The following AUH variants were observed in gnomAD, a reference collection of about 807,000 sequenced individuals.
AUH encodes the protein AU RNA binding methylglutaconyl-CoA hydratase, also known as methylglutaconyl-CoA hydratase, mitochondrial.
AUH carries 29 observed loss-of-function variants against 42.3 expected under a neutral mutation model. The observed-to-expected ratio is 0.69, with a 90% CI of 0.51 to 0.93. AUH has a LOEUF of 0.93. AUH is among the 40% of genes least tolerant of loss of function. The pLI is 0.00. For synonymous variants in AUH, 174 were observed against 166.4 expected, an observed-to-expected ratio of 1.05 and a Z score of -0.35; for missense variants, 452 against 438.1, an observed-to-expected ratio of 1.03 and a Z score of -0.28.
chr9:91,322,521 A>T (rs1829661574), intron 4 of AUH, among the ~76,000 whole-genome samples: 1 of 152,242 alleles, frequency 6.6e-6, no homozygotes, highest in Admixed American at 6.5e-5. Context: ...ATAGAAATCA[A>T]AACACGTATT....
chr9:91,273,782 A>C (rs1825342541), intron 6 of AUH, among the ~76,000 whole-genome samples: 1 of 152,198 alleles, frequency 6.6e-6, no homozygotes, highest in African/African-American at 2.4e-5. Flanking sequence ...GTTCCAGAGC[A>C]ATCACTGACA....
intron 6 of AUH, among the ~76,000 whole-genome samples, chr9:91,283,314 AAAT>A (rs1378256882): frequency 3.4e-5 from 5 of 148,050 alleles, no homozygotes; most frequent in Admixed American, 3.3e-4. Flanking sequence ...ACGTATCTCA[AAAT>A]AATAAGAGCT....
At chr9:91,253,635 C>T (rs1259853043) in intron 6 of AUH, among the ~76,000 whole-genome samples, 5 of 152,178 alleles carry the variant, frequency 3.3e-5, no homozygotes, top group Non-Finnish European at 7.3e-5. Flanking sequence ...GTTTGTGGCT[C>T]TTCTCTGATC....
intron 4 of AUH, 84 bp from the exon 5 acceptor site, chr9:91,298,160 T>G (rs1827500486): frequency 9.0e-7 from 1 of 1,115,240 alleles, no homozygotes; most frequent in East Asian, 2.5e-5. Flanking sequence ...TTCTGTGAAT[T>G]TATGCTTTAA....
chr9:91,236,757 ATG>A (rs1828209764), intron 6 of AUH, among the ~76,000 whole-genome samples: 1 of 152,234 alleles, frequency 6.6e-6, no homozygotes, highest in Non-Finnish European at 1.5e-5. Flanking sequence ...GTATGAGACA[ATG>A]TATAGATAAT....
chr9:91,352,548 A>G (rs1016189474), intron 3 of AUH, among the ~76,000 whole-genome samples: 1 of 152,172 alleles, frequency 6.6e-6, no homozygotes, highest in Non-Finnish European at 1.5e-5. Context: ...TAAAAAACTT[A>G]AAATGTAAGT....
intron 5 of AUH, among the ~76,000 whole-genome samples, chr9:91,296,864 A>T (rs1827376481): frequency 6.6e-6 from 1 of 152,220 alleles, no homozygotes; most frequent in Admixed American, 6.5e-5. Context: ...AAATTTAAAA[A>T]ATCTTTTATA....
rs147340140 is a variant in AUH, at chr9:91,314,805, C to T, written c.505+10513G>A. On this transcript the variant is annotated intron_variant, in intron 4 of 9. Coordinates refer to ENST00000375731, the MANE Select transcript of AUH (RefSeq NM_001698.3). ...TCAACCAACAGCCTGAATGCTGCCC[C>T]GCCCTTCTGCCGTTCTGTCAAAACA... Among the ~76,000 whole-genome samples the T allele has an allele frequency of 3.8e-3, 586 of 152,334 alleles. 4 individuals carry two copies. The highest frequency in any genetic ancestry group is 0.02 in the Middle Eastern group (6 of 294).
intron 4 of AUH, among the ~76,000 whole-genome samples, chr9:91,308,420 CATAAAAGAACT>C (rs1828400941): frequency 6.6e-6 from 1 of 152,128 alleles, no homozygotes; most frequent in African/African-American, 2.4e-5. Flanking sequence ...GTTAATAACT[CATAAAAGAACT>C]GACTCCCAGA....
intron 4 of AUH, among the ~76,000 whole-genome samples, chr9:91,322,989 T>C (rs1829698434): frequency 6.6e-6 from 1 of 152,226 alleles, no homozygotes; most frequent in Non-Finnish European, 1.5e-5. Context: ...ACTTTAATAC[T>C]TATTCTTGAT....
At chr9:91,317,204 G>C (rs1402538409) in intron 4 of AUH, among the ~76,000 whole-genome samples, 2 of 152,100 alleles carry the variant, frequency 1.3e-5, no homozygotes, top group Non-Finnish European at 2.9e-5. Flanking sequence ...ATGAGTGTTT[G>C]GCTATTTGGG....
At chr9:91,229,684 C>T (rs1361396420) in intron 6 of AUH, among the ~76,000 whole-genome samples, 4 of 151,972 alleles carry the variant, frequency 2.6e-5, no homozygotes, top group Admixed American at 6.6e-5. Context: ...ATTTTGCAAG[C>T]GGCTGGTACC....
intron 4 of AUH, among the ~76,000 whole-genome samples, chr9:91,299,817 A>G (rs537237498): frequency 1.3e-5 from 2 of 152,246 alleles, no homozygotes; most frequent in Admixed American, 6.5e-5. Context: ...AAACCTGTCT[A>G]GAGATCATTT....
chr9:91,294,943 C>T (rs758979264), intron 6 of AUH: 2 of 352,788 alleles, frequency 5.7e-6, no homozygotes, highest in Non-Finnish European at 1.1e-5. Flanking sequence ...TGTCCCCACC[C>T]AAATCTCATC....
intron 4 of AUH, among the ~76,000 whole-genome samples, chr9:91,318,955 A>G (rs528636852): frequency 1.3e-5 from 2 of 152,212 alleles, no homozygotes; most frequent in Non-Finnish European, 2.9e-5. Flanking sequence ...AAGCGGCGAG[A>G]AGTTGGACCC....
rs756127206 is a variant in AUH, at chr9:91,361,679, T to G, written c.211A>C (p.Met71Leu). 3 of 1,577,244 alleles carry G rather than the reference T, an allele frequency of 1.9e-6. No homozygotes were observed. Among genetic ancestry groups the G allele is most frequent in the Non-Finnish European group, 2.6e-6 (3 of 1,161,680 alleles). ...ACCCGCAGCTCGTCCTCCGTCTTCA[T>G]CTCAGAGCTGTAGCCCCTTTTCGGG... is the stretch of plus-strand genomic sequence containing the variant. The part of the protein sequence containing the change: ...PAPKRGYSSE[M>L]KTEDELRVRH... Residue 71 changes from methionine to leucine, a missense_variant, in exon 1 of 10, where the codon ATG (methionine) becomes CTG (leucine). Met to Leu is a conservative substitution (Grantham distance 15). Transcript: ENST00000375731.
At chr9:91,224,988 A>T (rs549575169) in intron 6 of AUH, among the ~76,000 whole-genome samples, 94 of 152,358 alleles carry the variant, frequency 6.2e-4, no homozygotes, top group African/African-American at 2.2e-3. Flanking sequence ...ACTAAACATG[A>T]TTGATATGGA....
chr9:91,316,901 GTTTTC>G (rs561353735), intron 4 of AUH, among the ~76,000 whole-genome samples: 98 of 152,234 alleles, frequency 6.4e-4, no homozygotes, highest in African/African-American at 2.1e-3. Flanking sequence ...ATTGATCACT[GTTTTC>G]TTTTATGTGT....
At chr9:91,239,499 G>A (rs1485886424) in intron 6 of AUH, among the ~76,000 whole-genome samples, 2 of 152,160 alleles carry the variant, frequency 1.3e-5, no homozygotes, top group Non-Finnish European at 2.9e-5. Flanking sequence ...GCCTAGGCAA[G>A]AGCTTTCTTC....
Sources: allele counts gnomAD v4.1 joint callset (sites outside exome capture counted in the v4.1 genomes callset), GRCh38; gene constraint gnomAD v4.1.1; transcripts MANE v1.5; gene names NCBI Gene and HGNC (gene_info 2026-07-23, HGNC 2026-07-21).